The following TEAD1 variants were observed in gnomAD, a reference collection of about 807,000 sequenced individuals.
TEAD1 encodes the protein transcriptional enhancer factor TEF-1.
A neutral mutation model predicts 54.9 loss-of-function variants in TEAD1; 9 were observed. The observed-to-expected ratio is 0.16, with a 90% CI of 0.10 to 0.29. The LOEUF is 0.29. Ranked by LOEUF, TEAD1 falls within the 10% of genes least tolerant of loss-of-function variation. The pLI is 1.00. For missense variants in TEAD1, 387 were observed against 535.9 expected (o/e 0.72, Z 2.74); for synonymous variants, 200 against 187.8 (o/e 1.07, Z -0.53).
rs981365366 is a variant in TEAD1 at position 12,879,835 on chromosome 11, C to T, written c.458C>T (p.Ala153Val). ...ATTCCACGCCCGACCTTCCCAGGGG[C>T]GCCGGGGGTAAGTCATGAGCTCAGT... Residue 153 changes from alanine (A) to valine (V), a missense_variant, in exon 6 of 13, where the codon GCG becomes GTG. Coordinates refer to ENST00000527636, the MANE Select transcript of TEAD1 (RefSeq NM_021961.6). 4.3e-6 allele frequency: 7 copies of T among 1,613,244 alleles called. No individual in the cohort carries two copies. The highest frequency in any genetic ancestry group is 1.3e-5 in the African/African-American group (1 of 74,896).
intron 3 of TEAD1, among the ~76,000 whole-genome samples, chr11:12,807,409 C>G (rs1367873080): frequency 1.3e-5 from 2 of 152,126 alleles, no homozygotes; most frequent in African/African-American, 4.8e-5. Flanking sequence ...ATACGTGGGT[C>G]CTGAAATCAC....
At chr11:12,870,651 C>T (rs546553301) in intron 5 of TEAD1, among the ~76,000 whole-genome samples, 4 of 152,246 alleles carry the variant, frequency 2.6e-5, no homozygotes, top group South Asian at 2.1e-4. Context: ...TTCGGGAGGC[C>T]GAGATGGGCA....
intron 2 of TEAD1, among the ~76,000 whole-genome samples, chr11:12,705,334 A>G (rs941332988): frequency 6.6e-6 from 1 of 152,332 alleles, no homozygotes. Flanking sequence ...TGTAGCATGC[A>G]AGTTCTCACC....
chr11:12,824,818 G>T (rs1436973363), intron 3 of TEAD1, among the ~76,000 whole-genome samples: 5 of 152,226 alleles, frequency 3.3e-5, no homozygotes, highest in Non-Finnish European at 7.3e-5. Flanking sequence ...CTGACCTGGA[G>T]CCTGTTCGGA....
intron 9 of TEAD1, among the ~76,000 whole-genome samples, chr11:12,886,111 G>C (rs1428807091): frequency 4.6e-5 from 7 of 152,240 alleles, no homozygotes; most frequent in Non-Finnish European, 1.5e-5. Context: ...GGATTGGACA[G>C]GGAGAGAATA....
chr11:12,919,720 G>A lies in TEAD1; in HGVS notation c.874-5192G>A, dbSNP rs542563130. Among the ~76,000 whole-genome samples, 33 of 151,984 alleles carry A rather than the reference G, an allele frequency of 2.2e-4. No homozygotes were observed. The South Asian group carries it at 6.2e-3, about 29-fold the overall frequency. Reference sequence around the variant, plus strand: ...TCCCTATGTTGCCCAGGCTGGTCTCGAACTCCTGGGCTCAAGCAATCCTCC... The same window carrying A: ...TCCCTATGTTGCCCAGGCTGGTCTCAAACTCCTGGGCTCAAGCAATCCTCC... On this transcript the variant is annotated intron_variant, in intron 10 of 12. Coordinates refer to ENST00000527636, the MANE Select transcript of TEAD1 (RefSeq NM_021961.6).
chr11:12,784,431 C>T (rs1387289418), intron 3 of TEAD1, among the ~76,000 whole-genome samples: 1 of 152,074 alleles, frequency 6.6e-6, no homozygotes, highest in Non-Finnish European at 1.5e-5. Flanking sequence ...GGAGTTGAGA[C>T]CCTGGAAGTG....
intron 3 of TEAD1, among the ~76,000 whole-genome samples, chr11:12,782,918 A>G (rs1034308085): frequency 3.9e-5 from 6 of 152,186 alleles, no homozygotes; most frequent in African/African-American, 1.4e-4. Context: ...GTGGTGCAAG[A>G]GCCTGATACC....
intron 3 of TEAD1, among the ~76,000 whole-genome samples, chr11:12,814,777 C>CTGTGTGTGTGTGTG (rs397842274): frequency 7.5e-5 from 8 of 106,230 alleles, no homozygotes; most frequent in African/African-American, 2.4e-4. Flanking sequence ...TCGCAGAGCT[C>CTGTGTGTGTGTGTG]TGTGTGTGTG....
chr11:12,870,222 T>C (rs1947714606), intron 5 of TEAD1, among the ~76,000 whole-genome samples: 1 of 152,184 alleles, frequency 6.6e-6, no homozygotes, highest in Non-Finnish European at 1.5e-5. Context: ...GCAATAGCCA[T>C]TGGCACCAAC....
At chr11:12,825,879 A>T (rs1208504396) in intron 3 of TEAD1, among the ~76,000 whole-genome samples, 1 of 152,240 alleles carries the variant, frequency 6.6e-6, no homozygotes, top group Non-Finnish European at 1.5e-5. Context: ...TTGTCAATTG[A>T]TTTCTCTACA....
At chr11:12,892,654 T>A (rs1589965558) in intron 9 of TEAD1, among the ~76,000 whole-genome samples, 1 of 151,864 alleles carries the variant, frequency 6.6e-6, no homozygotes, top group Non-Finnish European at 1.5e-5. Context: ...AAAAAATAAA[T>A]AAACAAAAAT....
intron 2 of TEAD1, among the ~76,000 whole-genome samples, chr11:12,760,331 T>C (rs1331404954): frequency 6.6e-6 from 1 of 152,234 alleles, no homozygotes; most frequent in Non-Finnish European, 1.5e-5. Flanking sequence ...TAATTTGTTA[T>C]TTGCATTTAA....
chr11:12,706,842 A>G (rs1943826519), intron 2 of TEAD1, among the ~76,000 whole-genome samples: 1 of 152,092 alleles, frequency 6.6e-6, no homozygotes, highest in Non-Finnish European at 1.5e-5. Flanking sequence ...ATATCCTCTC[A>G]CCATCTCCAT....
intron 11 of TEAD1, 104 bp from the exon 12 acceptor site, chr11:12,930,070 T>C: frequency 7.6e-7 from 1 of 1,309,502 alleles, no homozygotes; most frequent in Non-Finnish European, 1.1e-6. Context: ...ATATAGAAGA[T>C]GATTCATGTT....
chr11:12,831,534 G>T (rs1946781811), intron 3 of TEAD1, among the ~76,000 whole-genome samples: 1 of 151,994 alleles, frequency 6.6e-6, no homozygotes, highest in Non-Finnish European at 1.5e-5. Flanking sequence ...TGTTTTTGTT[G>T]TTGTTGTTGT....
chr11:12,917,644 C>T (rs1948739977), intron 10 of TEAD1, among the ~76,000 whole-genome samples: 1 of 152,186 alleles, frequency 6.6e-6, no homozygotes, highest in Non-Finnish European at 1.5e-5. Flanking sequence ...TTTCCTGTGT[C>T]TGAAAGTATT....
intron 9 of TEAD1, among the ~76,000 whole-genome samples, chr11:12,899,240 A>G (rs1257141499): frequency 6.6e-6 from 1 of 152,178 alleles, no homozygotes; most frequent in Non-Finnish European, 1.5e-5. Flanking sequence ...TCTGAGAGCT[A>G]GCTGTAAGCA....
At chr11:12,726,963 G>T (rs1413913671) in intron 2 of TEAD1, among the ~76,000 whole-genome samples, 3 of 152,128 alleles carry the variant, frequency 2.0e-5, no homozygotes, top group African/African-American at 7.2e-5. Context: ...GAGTCAGCTG[G>T]GTGTGGTGGC....
Sources: gnomAD v4.1 joint callset for allele counts (sites outside exome capture counted in the v4.1 genomes callset) on GRCh38, gnomAD v4.1.1 for gene constraint, MANE v1.5 for transcripts, NCBI Gene and HGNC (gene_info 2026-07-23, HGNC 2026-07-21) for gene names.